CHCHD3: variants seen among roughly 807,000 people sequenced by gnomAD.
CHCHD3 encodes MICOS complex subunit MIC19.
CHCHD3 carries 20 observed loss-of-function variants against 38.2 expected under a neutral mutation model. The observed-to-expected ratio is 0.52, with a 90% CI of 0.37 to 0.76. The LOEUF (loss-of-function observed/expected upper bound fraction) is 0.76, where lower values mean the gene tolerates loss of function less well. CHCHD3 is among the 30% of genes least tolerant of loss of function. The pLI is 0.00. For missense variants in CHCHD3, 245 were observed against 279.2 expected (o/e 0.88, Z 0.87); for synonymous variants, 82 against 100.0 (o/e 0.82, Z 1.07).
In CHCHD3 at chr7:132,972,876, C is replaced by T. The variant is rs1032856970; in HGVS notation, c.369+2293G>A. On this transcript the variant is annotated intron_variant, in intron 4 of 7. Transcript: ENST00000262570. ...GATCTACAAATCAGAATGTACGAGG[C>T]CAGTTTCTCATGCTTCACCAGCTAC... 31 of 985,388 alleles carry T rather than the reference C, an allele frequency of 3.1e-5. No individual in the cohort carries two copies. In the African/African-American group the frequency reaches 5.2e-4, roughly 17 times the overall value. 61.0% of individuals were successfully genotyped at this position (985,388 alleles called of 1,614,324 possible).
chr7:132,912,558 A>AT (rs35591619), intron 4 of CHCHD3, among the ~76,000 whole-genome samples: 21 of 150,146 alleles, frequency 1.4e-4, no homozygotes, highest in South Asian at 4.3e-4. Context: ...ATAAGACAGG[A>AT]TTTTTTTTTT....
rs139356859 is a variant in CHCHD3 at position 132,877,040 on chromosome 7, T to C, written c.453+8622A>G. ...GGTTAATACTTCTTGACAGCCTACA[T>C]GGTAAATAGAGCCCCAAATTAAGTG... On this transcript the variant is annotated intron_variant, in intron 5 of 7. Transcript: ENST00000262570. 1.4e-3 allele frequency among the ~76,000 whole-genome samples: 212 copies of C among 152,276 alleles called. 1 individual carries two copies. The highest frequency in any genetic ancestry group is 4.5e-3 in the African/African-American group (187 of 41,566).
chr7:132,959,742 A>G (rs964689302), intron 4 of CHCHD3, among the ~76,000 whole-genome samples: 3 of 151,158 alleles, frequency 2.0e-5, no homozygotes, highest in Non-Finnish European at 3.0e-5. Context: ...AAAAAAAAAG[A>G]AAAAGAAAAA....
intron 7 of CHCHD3, 33 bp downstream of exon 7, chr7:132,796,409 C>T: frequency 6.2e-7 from 1 of 1,610,896 alleles, no homozygotes; most frequent in Non-Finnish European, 8.5e-7. Flanking sequence ...TCAATTTGCC[C>T]AGTGCCCCCA....
intron 1 of CHCHD3, 98 bp from the exon 2 acceptor site, chr7:133,070,327 T>TA (rs940177554): frequency 1.2e-6 from 1 of 859,130 alleles, no homozygotes; most frequent in African/African-American, 1.7e-5. Flanking sequence ...TATCCATACA[T>TA]ATGACGAATG....
At chr7:132,937,195 A>G (rs1810651059) in intron 4 of CHCHD3, among the ~76,000 whole-genome samples, 1 of 152,184 alleles carries the variant, frequency 6.6e-6, no homozygotes, top group Non-Finnish European at 1.5e-5. Context: ...ATACCACTCA[A>G]CAGCTTTGAT....
chr7:132,837,568 T>C (rs1380016764), intron 6 of CHCHD3, among the ~76,000 whole-genome samples: 1 of 152,224 alleles, frequency 6.6e-6, no homozygotes, highest in African/African-American at 2.4e-5. Context: ...ACACACAAAT[T>C]GTACTGTAGC....
chr7:133,079,601 T>C (rs560143635), intron 1 of CHCHD3, among the ~76,000 whole-genome samples: 1 of 152,366 alleles, frequency 6.6e-6, no homozygotes, highest in South Asian at 2.1e-4. Flanking sequence ...GAAGTGATGG[T>C]ATTACCGTTT....
intron 7 of CHCHD3, among the ~76,000 whole-genome samples, chr7:132,794,642 A>G (rs1198711369): frequency 6.6e-6 from 1 of 152,212 alleles, no homozygotes; most frequent in Non-Finnish European, 1.5e-5. Flanking sequence ...TACTCCAAAC[A>G]TACTAGCTGA....
intron 5 of CHCHD3, among the ~76,000 whole-genome samples, chr7:132,865,212 C>T (rs960579898): frequency 4.6e-5 from 7 of 152,146 alleles, no homozygotes; most frequent in African/African-American, 1.7e-4. Flanking sequence ...TCCCAAAGCT[C>T]CAGAAGAGTT....
chr7:132,889,793 T>C (rs529843895), intron 4 of CHCHD3, among the ~76,000 whole-genome samples: 5 of 152,190 alleles, frequency 3.3e-5, no homozygotes, highest in African/African-American at 1.2e-4. Flanking sequence ...AAGCCTAGAA[T>C]ACATTGACTA....
intron 5 of CHCHD3, among the ~76,000 whole-genome samples, chr7:132,882,918 T>C (rs1317736488): frequency 6.6e-6 from 1 of 152,118 alleles, no homozygotes; most frequent in Non-Finnish European, 1.5e-5. Context: ...TACCCACATG[T>C]TGAGGGAGGG....
At chr7:132,904,378 A>G (rs1376786249) in intron 4 of CHCHD3, among the ~76,000 whole-genome samples, 1 of 152,256 alleles carries the variant, frequency 6.6e-6, no homozygotes, top group Non-Finnish European at 1.5e-5. Flanking sequence ...AAAGCTAACT[A>G]GTCATGAGTT....
chr7:132,824,186 A>G (rs1807449000), intron 6 of CHCHD3, among the ~76,000 whole-genome samples: 1 of 152,138 alleles, frequency 6.6e-6, no homozygotes, highest in Non-Finnish European at 1.5e-5. Context: ...TGCACCCAAT[A>G]TTATATTGTA....
At chr7:132,815,349 T>A in intron 6 of CHCHD3, 1 of 304,904 alleles carries the variant, frequency 3.3e-6, no homozygotes, top group South Asian at 2.8e-5. Context: ...AAGGTTAATA[T>A]GTTTGCATAT....
chr7:132,807,606 A>AATAAATAT (rs1806956433), intron 6 of CHCHD3, among the ~76,000 whole-genome samples: 5 of 108,928 alleles, frequency 4.6e-5, no homozygotes, highest in African/African-American at 1.6e-4. Context: ...CATACACATA[A>AATAAATAT]ATATATATAT....
intron 4 of CHCHD3, among the ~76,000 whole-genome samples, chr7:132,912,882 CA>C (rs1426553474): frequency 6.6e-6 from 1 of 152,156 alleles, no homozygotes; most frequent in African/African-American, 2.4e-5. Flanking sequence ...CAGTACCTCC[CA>C]CATAAAGATG....
chr7:132,897,675 C>T (rs1202379175), intron 4 of CHCHD3, among the ~76,000 whole-genome samples: 1 of 152,328 alleles, frequency 6.6e-6, no homozygotes, highest in Admixed American at 6.5e-5. Flanking sequence ...ACTAATCAAA[C>T]ATTTGTAGCA....
chr7:133,013,924 G>C (rs945517301), intron 3 of CHCHD3, among the ~76,000 whole-genome samples: 1 of 151,978 alleles, frequency 6.6e-6, no homozygotes, highest in Admixed American at 6.6e-5. Context: ...AGTTGTTTAA[G>C]GAATGAATTT....
Sources: gnomAD v4.1 joint callset for allele counts (sites outside exome capture counted in the v4.1 genomes callset) on GRCh38, gnomAD v4.1.1 for gene constraint, MANE v1.5 for transcripts, NCBI Gene and HGNC (gene_info 2026-07-23, HGNC 2026-07-21) for gene names.